The following OR8J1 variants were observed in gnomAD, a reference collection of about 807,000 sequenced individuals.
OR8J1 encodes olfactory receptor 8J1.
For missense variants in OR8J1, 400 were observed against 373.0 expected (o/e 1.07, Z -0.60); for synonymous variants, 157 against 144.3 (o/e 1.09, Z -0.63).
At chr11:56,359,786 G>A (rs748463153) in intron 1 of OR8J1, among the ~76,000 whole-genome samples, 1 of 152,082 alleles carries the variant, frequency 6.6e-6, no homozygotes, top group Admixed American at 6.6e-5. Context: ...AAGAAAATGG[G>A]TTAGGATAGT....
At chr11:56,357,126 G>C (rs1337445664) in intron 1 of OR8J1, among the ~76,000 whole-genome samples, 2 of 152,130 alleles carry the variant, frequency 1.3e-5, no homozygotes, top group Middle Eastern at 6.8e-3. Flanking sequence ...ATTTTTTGTG[G>C]TTATTTTAAA....
At chr11:56,356,390 G>A (rs367703540) in intron 1 of OR8J1, among the ~76,000 whole-genome samples, 1 of 152,148 alleles carries the variant, frequency 6.6e-6, no homozygotes, top group Non-Finnish European at 1.5e-5. Flanking sequence ...CATAAAGCCA[G>A]TACAGCACCA....
Position 56,361,089 on chromosome 11 carries a change from G to A in OR8J1, c.843G>A (p.Leu281=). 6.6e-7 allele frequency: 1 copy of A among 1,511,660 alleles called. No individual in the cohort carries two copies. The allele number at this position is 1,511,660 out of a possible 1,614,324, so 93.6% of individuals were successfully genotyped here. A position where few individuals can be genotyped will look rare whatever the true frequency, so the allele number is the denominator to read the frequency against. ...AGATGGCTTCTGTGTTTTACACGTT[G>A]GTAATTCCTATGCTGAATCCCTTGA... The part of the protein sequence containing the change: ...DDKMASVFYT[L]VIPMLNPLIY... The change falls in exon 2 of 2, where the codon TTG becomes TTA. Residue 281 remains leucine (L), a synonymous_variant. Transcript: ENST00000533152.
rs528908965 is a variant in OR8J1, at chr11:56,358,066, A to G, written c.-20-2161A>G. 41 of 584,390 alleles carry G rather than the reference A, an allele frequency of 7.0e-5. 1 individual carries two copies. Among genetic ancestry groups the G allele is most frequent in the Non-Finnish European group, 1.1e-4 (37 of 327,336 alleles). The allele number at this position is 584,390 out of a possible 1,614,324, so 36.2% of individuals were successfully genotyped here. On this transcript the variant is annotated intron_variant, in intron 1 of 1. Coordinates refer to ENST00000533152, the MANE Select transcript of OR8J1 (RefSeq NM_001005205.3). The stretch of plus-strand genomic sequence containing the variant: ...GACGTATAAGAAAGCTCATGCTGCT[A>G]TAGGAGAAAATCCAGTTTATGAAAA...
At chr11:56,359,017 T>A (rs927206901) in intron 1 of OR8J1, among the ~76,000 whole-genome samples, 1 of 152,154 alleles carries the variant, frequency 6.6e-6, no homozygotes, top group Non-Finnish European at 1.5e-5. Context: ...TCTTTTTTTT[T>A]ACAAGGAGAC....
chr11:56,359,778 G>C (rs560658523), intron 1 of OR8J1, among the ~76,000 whole-genome samples: 1 of 152,070 alleles, frequency 6.6e-6, no homozygotes, highest in South Asian at 2.1e-4. Context: ...AATGAATAAA[G>C]AAAATGGGTT....
At chr11:56,357,310 C>T (rs1590856470) in intron 1 of OR8J1, 1 of 547,972 alleles carries the variant, frequency 1.8e-6, no homozygotes, top group Non-Finnish European at 3.3e-6. Flanking sequence ...ATGCGGGCCT[C>T]TCTTCAGCAG....
At chr11:56,357,347 G>A (rs879045719) in intron 1 of OR8J1, 1 of 666,818 alleles carries the variant, frequency 1.5e-6, no homozygotes, top group Admixed American at 2.1e-5. Context: ...GTTGTTAAGA[G>A]TAAGGCCTAC....
chr11:56,361,255 G>C lies in OR8J1; in HGVS notation c.*58G>C, dbSNP rs1395121740. 1.2e-5 allele frequency: 8 copies of C among 679,740 alleles called. No individual in the cohort carries two copies. Among genetic ancestry groups the C allele is most frequent in the Non-Finnish European group, 1.7e-5 (8 of 463,138 alleles). The allele number at this position is 679,740 out of a possible 1,614,324, so 42.1% of individuals were successfully genotyped here. A position where few individuals can be genotyped will look rare whatever the true frequency, so the allele number is the denominator to read the frequency against. On this transcript the variant is annotated 3_prime_UTR_variant, in exon 2 of 2. Coordinates refer to ENST00000533152, the MANE Select transcript of OR8J1 (RefSeq NM_001005205.3). Reference sequence around the variant, plus strand: ...TAATATAAGCTGCCATTATGTAAAAGAAAATGTAGGAAAAAGAAAAGGTAG... The same window carrying C: ...TAATATAAGCTGCCATTATGTAAAACAAAATGTAGGAAAAAGAAAAGGTAG...
chr11:56,357,522 G>C, intron 1 of OR8J1: 3 of 848,674 alleles, frequency 3.5e-6, no homozygotes, highest in Non-Finnish European at 6.0e-6. Context: ...GATTGCTTAT[G>C]GCTGTATAGA....
At chr11:56,355,988 T>C (rs188749721) in intron 1 of OR8J1, among the ~76,000 whole-genome samples, 253 of 152,292 alleles carry the variant, frequency 1.7e-3, no homozygotes, top group African/African-American at 5.9e-3. Flanking sequence ...AATAAAAATA[T>C]GCCTTAAAGG....
chr11:56,361,198 T>C lies in OR8J1; in HGVS notation c.*1T>C. ...GTGCTATTCCTTTAAAACAATGTAA[T>C]TTTAAACAGTACAGGTAAATGAGGA... is the stretch of plus-strand genomic sequence containing the variant. On this transcript the variant is annotated 3_prime_UTR_variant, in exon 2 of 2. Transcript: ENST00000533152. 1 of 1,189,344 alleles carries C rather than the reference T, an allele frequency of 8.4e-7. No homozygotes were observed. The highest frequency in any genetic ancestry group is 1.1e-6 in the Non-Finnish European group (1 of 908,644). 73.7% of individuals were successfully genotyped at this position (1,189,344 alleles called of 1,614,324 possible). A position where few individuals can be genotyped will look rare whatever the true frequency, so the allele number is the denominator to read the frequency against.
Position 56,361,190 on chromosome 11 carries a change from CA to C in OR8J1, c.946del (p.Met316CysfsTer8). ...ACAAATCTGTGCTATTCCTTTAAAACAATGTAATTTTAAACAGTACAGGTAA... is the reference window on the plus strand; with the variant it reads ...ACAAATCTGTGCTATTCCTTTAAAACATGTAATTTTAAACAGTACAGGTAA... ...FMTNLCYSFK[T>X]M On this transcript the variant is annotated frameshift_variant, in exon 2 of 2. Coordinates refer to ENST00000533152, the MANE Select transcript of OR8J1 (RefSeq NM_001005205.3). LOFTEE classifies it high-confidence loss of function. The C allele has an allele frequency of 7.7e-7, 1 of 1,292,496 alleles. No homozygotes were observed. The highest frequency in any genetic ancestry group is 1.0e-6 in the Non-Finnish European group (1 of 993,582). 80.1% of individuals were successfully genotyped at this position (1,292,496 alleles called of 1,614,324 possible).
At position 56,360,944 on chromosome 11, in the gene OR8J1, GA is replaced by G; in HGVS notation, c.700del (p.Arg234GlyfsTer12). The G allele has an allele frequency of 6.8e-7, 1 of 1,476,388 alleles. No individual in the cohort carries two copies. The highest frequency in any genetic ancestry group is 9.0e-7 in the Non-Finnish European group (1 of 1,116,636). 91.5% of individuals were successfully genotyped at this position (1,476,388 alleles called of 1,614,324 possible). On this transcript the variant is annotated frameshift_variant, in exon 2 of 2. Transcript: ENST00000533152. LOFTEE classifies it low-confidence loss of function (END_TRUNC). The part of the protein sequence containing the change: ...LSILKICSSE[G>X]RKKAFSTCAS... ...ATTTTAAAAATATGTTCATCAGAAG[GA>G]AGGAAAAAAGCCTTTTCTACCTGTG...
rs1852623641 is a variant in OR8J1, at chr11:56,360,632, C to T, written c.386C>T (p.Pro129Leu). The change falls in exon 2 of 2, where the codon CCT (proline) becomes CTT (leucine). Residue 129 changes from proline (P) to leucine (L), a missense_variant. Physicochemically the swap from Pro to Leu is moderately conservative, Grantham distance 98. Transcript: ENST00000533152. ...AYDRYVAICNPLLYMVVVSRR... is the reference protein window; with the variant it reads ...AYDRYVAICNLLLYMVVVSRR... ...GACCGCTATGTGGCTATTTGTAACC[C>T]TCTGCTGTACATGGTGGTGGTGTCT... 1 of 1,612,902 alleles carries T rather than the reference C, an allele frequency of 6.2e-7. No individual in the cohort carries two copies. Among genetic ancestry groups the T allele is most frequent in the East Asian group, 2.2e-5 (1 of 44,866 alleles).
rs975783775 is a variant in OR8J1, at chr11:56,360,670, C to G, written c.424C>G (p.Leu142Val). The G allele has an allele frequency of 6.2e-7, 1 of 1,611,902 alleles. No homozygotes were observed. The highest frequency in any genetic ancestry group is 1.1e-5 in the South Asian group (1 of 90,932). The change falls in exon 2 of 2, where the codon CTC becomes GTC. Residue 142 changes from leucine (L) to valine (V), a missense_variant. By Grantham distance (32) the Leu-to-Val change is conservative. Coordinates refer to ENST00000533152, the MANE Select transcript of OR8J1 (RefSeq NM_001005205.3). ...YMVVVSRRLC[L>V]LLVSLTYLYG... is the part of the protein sequence containing the mutation. ...GGTGGTGGTGTCTCGGCGGCTCTGCCTCCTGCTGGTCTCCCTCACATACCT... is the reference window on the plus strand; with the variant it reads ...GGTGGTGGTGTCTCGGCGGCTCTGCGTCCTGCTGGTCTCCCTCACATACCT...
intron 1 of OR8J1, among the ~76,000 whole-genome samples, chr11:56,355,662 C>A (rs574841303): frequency 6.6e-6 from 1 of 152,062 alleles, no homozygotes; most frequent in South Asian, 2.1e-4. Context: ...AAAACTCCAA[C>A]CTGCCTGGGT....
intron 1 of OR8J1, chr11:56,357,978 T>C (rs1852579438): frequency 1.1e-6 from 1 of 889,522 alleles, no homozygotes; most frequent in Non-Finnish European, 1.8e-6. Flanking sequence ...AAGATGAAGA[T>C]GCTTACAAGA....
chr11:56,354,550 C>T (rs1250681155), intron 1 of OR8J1, among the ~76,000 whole-genome samples: 2 of 152,108 alleles, frequency 1.3e-5, no homozygotes, highest in East Asian at 3.9e-4. Flanking sequence ...ATAGAAATGG[C>T]ATCATTATGT....
Sources: gnomAD v4.1 joint callset for allele counts (sites outside exome capture counted in the v4.1 genomes callset) on GRCh38, gnomAD v4.1.1 for gene constraint, MANE v1.5 for transcripts, NCBI Gene and HGNC (gene_info 2026-07-23, HGNC 2026-07-21) for gene names.